The following ARHGAP10 variants were observed in gnomAD, a reference collection of about 807,000 sequenced individuals.
The protein encoded by ARHGAP10 is Rho GTPase activating protein 10.
Under a neutral mutation model 108.6 loss-of-function variants are expected in ARHGAP10, and 87 were observed. The ratio of observed to expected loss-of-function variants is 0.80; its 90% CI spans 0.67 to 0.96. ARHGAP10 has a LOEUF of 0.96. Among genes scored for constraint, ARHGAP10 ranks in the 40% least tolerant of loss-of-function variants. The pLI, the probability that ARHGAP10 is intolerant of heterozygous loss-of-function variation, is 0.00. For synonymous variants in ARHGAP10, 347 were observed against 341.1 expected, an observed-to-expected ratio of 1.02 and a Z score of -0.19; for missense variants, 939 against 954.5, an observed-to-expected ratio of 0.98 and a Z score of 0.21.
At chr4:147,843,501 C>T (rs1376814198) in intron 3 of ARHGAP10, among the ~76,000 whole-genome samples, 3 of 152,116 alleles carry the variant, frequency 2.0e-5, no homozygotes, top group African/African-American at 7.2e-5. Flanking sequence ...CTGCAGCCCA[C>T]ACAGCTGAAC....
chr4:148,053,296 C>G (rs1047262365), intron 20 of ARHGAP10, among the ~76,000 whole-genome samples: 1 of 152,186 alleles, frequency 6.6e-6, no homozygotes, highest in Non-Finnish European at 1.5e-5. Flanking sequence ...ATTCTCCACC[C>G]TGCCCCGATT....
chr4:147,994,432 C>T (rs1424007845), intron 18 of ARHGAP10, among the ~76,000 whole-genome samples: 2 of 152,176 alleles, frequency 1.3e-5, no homozygotes, highest in African/African-American at 2.4e-5. Context: ...TTCTTAATTA[C>T]CAGAAGTGCA....
chr4:147,971,093 C>CAAA (rs59721708), intron 18 of ARHGAP10, among the ~76,000 whole-genome samples: 43 of 73,946 alleles, frequency 5.8e-4, no homozygotes, highest in Admixed American at 8.8e-4. Context: ...GACTCTGTCT[C>CAAA]AAAAAAAAAA....
intron 1 of ARHGAP10, among the ~76,000 whole-genome samples, chr4:147,818,192 A>G (rs1162224266): frequency 6.6e-6 from 1 of 151,090 alleles, no homozygotes; most frequent in African/African-American, 2.4e-5. Flanking sequence ...GGTAACAGCA[A>G]CACCTACCCT....
chr4:148,061,212 T>C (rs1317559270), intron 20 of ARHGAP10, among the ~76,000 whole-genome samples: 2 of 152,154 alleles, frequency 1.3e-5, no homozygotes, highest in African/African-American at 4.8e-5. Context: ...ATCTTCTTCC[T>C]GTAACTGTCC....
chr4:147,765,118 A>G (rs965298798), intron 1 of ARHGAP10, among the ~76,000 whole-genome samples: 139 of 152,308 alleles, frequency 9.1e-4, no homozygotes, highest in Middle Eastern at 3.4e-3. Flanking sequence ...ATGATGGACC[A>G]TGTTGGACAG....
At chr4:148,071,524 G>C (rs557788033) in intron 22 of ARHGAP10, among the ~76,000 whole-genome samples, 18 of 152,348 alleles carry the variant, frequency 1.2e-4, no homozygotes, top group African/African-American at 4.3e-4. Context: ...GCTGAGGCAG[G>C]AGAATTGCTT....
intron 9 of ARHGAP10, among the ~76,000 whole-genome samples, chr4:147,879,979 T>C (rs1208659546): frequency 6.6e-6 from 1 of 152,218 alleles, no homozygotes; most frequent in Non-Finnish European, 1.5e-5. Context: ...TTTACTGTTG[T>C]TCTGTTCATC....
At chr4:148,003,701 A>C (rs1740827118) in intron 18 of ARHGAP10, among the ~76,000 whole-genome samples, 1 of 152,012 alleles carries the variant, frequency 6.6e-6, no homozygotes, top group Non-Finnish European at 1.5e-5. Context: ...TGTTGGTTTA[A>C]AGTCTGTTTT....
intron 1 of ARHGAP10, among the ~76,000 whole-genome samples, chr4:147,803,239 C>T (rs1167247118): frequency 6.6e-6 from 1 of 152,140 alleles, no homozygotes; most frequent in Non-Finnish European, 1.5e-5. Context: ...GAACTCCTGG[C>T]CTCAAGTGAT....
intron 10 of ARHGAP10, among the ~76,000 whole-genome samples, chr4:147,893,999 A>G (rs1427267830): frequency 6.6e-6 from 1 of 152,180 alleles, no homozygotes; most frequent in Non-Finnish European, 1.5e-5. Flanking sequence ...ATATGGATTT[A>G]TTTTTAAATT....
intron 18 of ARHGAP10, among the ~76,000 whole-genome samples, chr4:148,002,121 G>A (rs899884647): frequency 5.3e-5 from 8 of 152,186 alleles, no homozygotes; most frequent in African/African-American, 1.9e-4. Flanking sequence ...TTTTTAGCAT[G>A]AAGGCTGTTG....
intron 13 of ARHGAP10, among the ~76,000 whole-genome samples, chr4:147,927,123 G>A (rs1480745334): frequency 1.3e-5 from 2 of 152,128 alleles, no homozygotes; most frequent in African/African-American, 4.8e-5. Flanking sequence ...AGACACTATA[G>A]TCTGACCTTT....
Position 147,793,789 on chromosome 4 carries a change from T to C in ARHGAP10, c.155-28938T>C, listed in dbSNP as rs186647999. On this transcript the variant is annotated intron_variant, in intron 1 of 22. Coordinates refer to ENST00000336498, the MANE Select transcript of ARHGAP10 (RefSeq NM_024605.4). ...CGTGCCTGTGTACGTGCCTTCCCCC[T>C]TAACAGTAAGCTTCTTGACCTTTGT... 9.0e-3 allele frequency among the ~76,000 whole-genome samples: 1,378 copies of C among 152,308 alleles called. 8 individuals carry two copies. Among genetic ancestry groups the C allele is most frequent in the Non-Finnish European group, 0.015 (1,004 of 68,028 alleles).
intron 22 of ARHGAP10, among the ~76,000 whole-genome samples, chr4:148,069,024 C>T (rs112083188): frequency 0.03 from 4,560 of 152,222 alleles, 232 homozygotes; most frequent in African/African-American, 0.1. Flanking sequence ...GACACTGAGA[C>T]TGCCATGTTC....
intron 3 of ARHGAP10, among the ~76,000 whole-genome samples, chr4:147,833,463 A>G (rs1319982679): frequency 6.6e-6 from 1 of 152,188 alleles, no homozygotes; most frequent in Non-Finnish European, 1.5e-5. Context: ...TCAGTCAAAC[A>G]TCTTTTGTTT....
intron 1 of ARHGAP10, among the ~76,000 whole-genome samples, chr4:147,770,795 C>G (rs969868450): frequency 6.6e-6 from 1 of 152,252 alleles, no homozygotes; most frequent in Non-Finnish European, 1.5e-5. Context: ...TTGTATGATT[C>G]TGCTAGGACA....
intron 13 of ARHGAP10, among the ~76,000 whole-genome samples, chr4:147,929,655 C>G (rs1186024813): frequency 6.6e-6 from 1 of 152,144 alleles, no homozygotes; most frequent in Non-Finnish European, 1.5e-5. Flanking sequence ...CATTGCTTTT[C>G]TTAATATTAC....
intron 18 of ARHGAP10, among the ~76,000 whole-genome samples, chr4:147,989,367 G>C (rs979870631): frequency 2.6e-5 from 4 of 152,132 alleles, no homozygotes; most frequent in East Asian, 1.9e-4. Flanking sequence ...CAGGAGACAG[G>C]GTTTTGAGAT....
Sources: allele counts gnomAD v4.1 joint callset (sites outside exome capture counted in the v4.1 genomes callset), GRCh38; gene constraint gnomAD v4.1.1; transcripts MANE v1.5; gene names NCBI Gene and HGNC (gene_info 2026-07-23, HGNC 2026-07-21).